The following ZNF276 variants were observed in gnomAD, a reference collection of about 807,000 sequenced individuals.
ZNF276 encodes the protein centromere protein Z.
A neutral mutation model predicts 63.9 loss-of-function variants in ZNF276; 59 were observed. The ratio of observed to expected loss-of-function variants is 0.92; its 90% CI spans 0.75 to 1.15. The LOEUF (loss-of-function observed/expected upper bound fraction) is 1.15, where lower values mean the gene tolerates loss of function less well. Among genes scored for constraint, ZNF276 ranks in the 50% most tolerant of loss-of-function variants. The pLI, the probability that ZNF276 is intolerant of heterozygous loss-of-function variation, is 0.00. For missense variants in ZNF276, 1,084 were observed against 843.8 expected (o/e 1.28, Z -3.53); for synonymous variants, 496 against 348.4 (o/e 1.42, Z -4.72).
chr16:89,739,262 C>T lies in ZNF276; in HGVS notation c.*1016C>T, dbSNP rs755479861. On this transcript the variant is annotated 3_prime_UTR_variant, in exon 11 of 11. Coordinates refer to ENST00000443381, the MANE Select transcript of ZNF276 (RefSeq NM_001113525.2). ...GCAGGAAGGCCTCTTCCCTGATGGC[C>T]GCGTCTTCATGGAAGTAGGAGAGAA... The T allele has an allele frequency of 4.0e-5, 65 of 1,614,042 alleles. No homozygotes were observed. The highest frequency in any genetic ancestry group is 6.7e-5 in the Admixed American group (4 of 60,006).
intron 9 of ZNF276, among the ~76,000 whole-genome samples, chr16:89,736,963 A>G (rs537351950): frequency 4.9e-4 from 75 of 152,256 alleles, no homozygotes; most frequent in African/African-American, 1.7e-3. Context: ...TCGAAGAGAA[A>G]AGTCTGTCTT....
rs2061772249 is a variant in ZNF276, at chr16:89,734,186, G to A, written c.1474+148G>A. ...TCTTTGGTACTCAGTCACGTTGGTA[G>A]ATGAAGGCTAGAGTAGGGCGTCAGT... is the stretch of plus-strand genomic sequence containing the variant. On this transcript the variant is annotated intron_variant, in intron 9 of 10. Coordinates refer to ENST00000443381, the MANE Select transcript of ZNF276 (RefSeq NM_001113525.2). 8 of 651,386 alleles carry A rather than the reference G, an allele frequency of 1.2e-5. No individual in the cohort carries two copies. The South Asian group carries it at 1.6e-4, about 13-fold the overall frequency. The allele number at this position is 651,386 out of a possible 1,614,324, so 40.4% of individuals were successfully genotyped here.
chr16:89,721,684 C>A lies in ZNF276; in HGVS notation c.44C>A (p.Ser15Tyr). 7.0e-7 allele frequency: 1 copy of A among 1,427,622 alleles called. No homozygotes were observed. Among genetic ancestry groups the A allele is most frequent in the Non-Finnish European group, 9.1e-7 (1 of 1,094,302 alleles). The allele number at this position is 1,427,622 out of a possible 1,614,324, so 88.4% of individuals were successfully genotyped here. The change falls in exon 1 of 11, where the codon TCC (serine) becomes TAC (tyrosine). Residue 15 changes from serine (S) to tyrosine (Y), a missense_variant. By Grantham distance (144) the Ser-to-Tyr change is moderately radical. Coordinates refer to ENST00000443381, the MANE Select transcript of ZNF276 (RefSeq NM_001113525.2). ...GGCCGCTTCCTGTCTCCTGGGTCGTCCCGACAGTGCGGGGCCTCGGACGGC... is the reference window on the plus strand; with the variant it reads ...GGCCGCTTCCTGTCTCCTGGGTCGTACCGACAGTGCGGGGCCTCGGACGGC... ...RLGRFLSPGSSRQCGASDGGG... is the reference protein window; with the variant it reads ...RLGRFLSPGSYRQCGASDGGG...
At chr16:89,736,024 TG>T (rs1279797312) in intron 9 of ZNF276, among the ~76,000 whole-genome samples, 2 of 152,032 alleles carry the variant, frequency 1.3e-5, no homozygotes, top group Non-Finnish European at 2.9e-5. Flanking sequence ...CCCAAATAGC[TG>T]GGACTACAGG....
In ZNF276 at chr16:89,721,804, G is replaced by C. The variant is rs1452851644; in HGVS notation, c.164G>C (p.Gly55Ala). 11 of 1,238,088 alleles carry C rather than the reference G, an allele frequency of 8.9e-6. No homozygotes were observed. The highest frequency in any genetic ancestry group is 1.1e-5 in the Non-Finnish European group (11 of 991,694). The allele number at this position is 1,238,088 out of a possible 1,614,324, so 76.7% of individuals were successfully genotyped here. A position where few individuals can be genotyped will look rare whatever the true frequency, so the allele number is the denominator to read the frequency against. Residue 55 changes from glycine (G) to alanine (A), a missense_variant, in exon 1 of 11, where the codon GGG becomes GCG. Gly to Ala is a moderately conservative substitution (Grantham distance 60). Coordinates refer to ENST00000443381, the MANE Select transcript of ZNF276 (RefSeq NM_001113525.2). ...ATARRAWGPVGSCGDAGEDGA... is the reference protein window; with the variant it reads ...ATARRAWGPVASCGDAGEDGA... The stretch of plus-strand genomic sequence containing the variant: ...GCGCGGCGCGCCTGGGGCCCGGTGG[G>C]GTCCTGCGGGGACGCGGGCGAGGAC...
At chr16:89,728,148 A>G (rs1018428333) in intron 5 of ZNF276, among the ~76,000 whole-genome samples, 86 of 151,140 alleles carry the variant, frequency 5.7e-4, no homozygotes, top group African/African-American at 1.8e-3. Flanking sequence ...GACTGTCCTC[A>G]GGACCACCAG....
upstream of ZNF276, chr16:89,721,022 G>C (rs1237963584): frequency 1.5e-6 from 1 of 653,332 alleles, no homozygotes; most frequent in East Asian, 4.1e-5. Context: ...GCGTACTGCG[G>C]GCCCCACGGG....
At chr16:89,727,474 C>T (rs1754848396) in intron 5 of ZNF276, 117 bp downstream of exon 5, 2 of 1,209,534 alleles carry the variant, frequency 1.7e-6, no homozygotes, top group Non-Finnish European at 2.4e-6. Flanking sequence ...CCTTCAAAAA[C>T]CAAACAGCCA....
chr16:89,739,658 G>C lies in ZNF276; in HGVS notation c.*1412G>C. 1 of 1,508,168 alleles carries C rather than the reference G, an allele frequency of 6.6e-7. No individual in the cohort carries two copies. The highest frequency in any genetic ancestry group is 9.0e-7 in the Non-Finnish European group (1 of 1,111,696). 93.4% of individuals were successfully genotyped at this position (1,508,168 alleles called of 1,614,324 possible). ...GACGTGTACCCTGGGAGGCCTGGCT[G>C]TGGGGATAGTGTGGGGCGAACAGCC... On this transcript the variant is annotated 3_prime_UTR_variant, in exon 11 of 11. Coordinates refer to ENST00000443381, the MANE Select transcript of ZNF276 (RefSeq NM_001113525.2).
intron 9 of ZNF276, among the ~76,000 whole-genome samples, chr16:89,737,320 G>C (rs1435521553): frequency 6.6e-6 from 1 of 152,136 alleles, no homozygotes; most frequent in Non-Finnish European, 1.5e-5. Flanking sequence ...AGGAATTCAA[G>C]ACCAGCCTGG....
Position 89,739,061 on chromosome 16 carries a change from A to C in ZNF276, c.*815A>C, listed in dbSNP as rs1598051075. The stretch of plus-strand genomic sequence containing the variant: ...CCCCATAGTCTGCATGCTGTGCCGG[A>C]ACATTCTTTGGCAGAAGGAGCCTCC... On this transcript the variant is annotated 3_prime_UTR_variant, in exon 11 of 11. Coordinates refer to ENST00000443381, the MANE Select transcript of ZNF276 (RefSeq NM_001113525.2). The C allele has an allele frequency of 6.2e-7, 1 of 1,614,056 alleles. No homozygotes were observed. Among genetic ancestry groups the C allele is most frequent in the African/African-American group, 1.3e-5 (1 of 75,066 alleles).
chr16:89,721,523 T>C (rs1414285731), upstream of ZNF276: 4 of 993,144 alleles, frequency 4.0e-6, no homozygotes, highest in African/African-American at 3.5e-5. Context: ...TGCTTCTCGC[T>C]CCGCCCCTCC....
At chr16:89,731,751 C>T (rs1357454532) in intron 6 of ZNF276, 3 of 152,342 alleles carry the variant, frequency 2.0e-5, no homozygotes, top group South Asian at 2.1e-4. Flanking sequence ...CATGCTATTG[C>T]ATATGTATTG....
intron 6 of ZNF276, among the ~76,000 whole-genome samples, chr16:89,730,184 G>A (rs985840397): frequency 6.6e-6 from 1 of 152,200 alleles, no homozygotes; most frequent in Non-Finnish European, 1.5e-5. Flanking sequence ...GAAGCAGAGG[G>A]CAGGACTGAG....
intron 2 of ZNF276, 68 bp downstream of exon 2, chr16:89,722,902 G>GAACA: frequency 6.4e-7 from 1 of 1,565,328 alleles, no homozygotes; most frequent in Non-Finnish European, 8.6e-7. Context: ...GTTGAGAGAG[G>GAACA]GACAGGGCGT....
At chr16:89,726,871 C>T (rs903416190) in intron 4 of ZNF276, among the ~76,000 whole-genome samples, 1 of 152,142 alleles carries the variant, frequency 6.6e-6, no homozygotes, top group Non-Finnish European at 1.5e-5. Flanking sequence ...GTCTCGATCT[C>T]CTGACCTCGT....
At chr16:89,735,436 C>T (rs951682714) in intron 9 of ZNF276, among the ~76,000 whole-genome samples, 22 of 152,186 alleles carry the variant, frequency 1.4e-4, no homozygotes, top group African/African-American at 5.3e-4. Flanking sequence ...TTGCTTTTCA[C>T]TGCTGGGTCA....
rs1047897275 is a variant in ZNF276 at position 89,725,129 on chromosome 16, G to A, written c.1006+1420G>A. ...GGGTTTCACCATGTGGGCCAGGCTT[G>A]GTCTCGAACTCCTGACCTCGTGATC... is the stretch of plus-strand genomic sequence containing the variant. On this transcript the variant is annotated intron_variant, in intron 4 of 10. Coordinates refer to ENST00000443381, the MANE Select transcript of ZNF276 (RefSeq NM_001113525.2). Among the ~76,000 whole-genome samples, 2 of 149,142 alleles carry A rather than the reference G, an allele frequency of 1.3e-5. 1 individual carries two copies. Among genetic ancestry groups the A allele is most frequent in the African/African-American group, 5.0e-5 (2 of 40,264 alleles).
chr16:89,729,198 C>T lies in ZNF276; in HGVS notation c.1086-37C>T, dbSNP rs554221411. ...CGTGTTGGGTCTGTCACTGCCCAGG[C>T]CCAGGGCTTTGCTGAAGATTCTCTC... On this transcript the variant is annotated intron_variant, in intron 5 of 10. Transcript: ENST00000443381. 8.8e-6 allele frequency: 14 copies of T among 1,591,874 alleles called. No homozygotes were observed. The East Asian group carries it at 1.6e-4, about 18-fold the overall frequency.
Sources: gnomAD v4.1 joint callset for allele counts (sites outside exome capture counted in the v4.1 genomes callset) on GRCh38, gnomAD v4.1.1 for gene constraint, MANE v1.5 for transcripts, NCBI Gene and HGNC (gene_info 2026-07-23, HGNC 2026-07-21) for gene names.